FIBP: variants seen among roughly 807,000 people sequenced by gnomAD.
FIBP encodes the protein FGF1 intracellular binding protein, also known as acidic fibroblast growth factor intracellular-binding protein.
FIBP carries 29 observed loss-of-function variants against 40.5 expected under a neutral mutation model. The ratio of observed to expected loss-of-function variants is 0.72; its 90% CI spans 0.53 to 0.98. FIBP has a LOEUF of 0.98. Among genes scored for constraint, FIBP ranks in the 50% least tolerant of loss-of-function variants. FIBP has a pLI of 0.00. For synonymous variants in FIBP, 215 were observed against 191.1 expected, an observed-to-expected ratio of 1.13 and a Z score of -1.03; for missense variants, 411 against 470.2, an observed-to-expected ratio of 0.87 and a Z score of 1.16.
rs1477323874 is a variant in FIBP at position 65,883,779 on chromosome 11, C to G, written c.*195G>C. 1.3e-6 allele frequency: 1 copy of G among 753,080 alleles called. No individual in the cohort carries two copies. The highest frequency in any genetic ancestry group is 2.2e-6 in the Non-Finnish European group (1 of 453,912). 46.6% of individuals were successfully genotyped at this position (753,080 alleles called of 1,614,324 possible). A position where few individuals can be genotyped will look rare whatever the true frequency, so the allele number is the denominator to read the frequency against. On this transcript the variant is annotated 3_prime_UTR_variant, in exon 10 of 10. Transcript: ENST00000357519. The stretch of plus-strand genomic sequence containing the variant: ...ACTCTTCTGGTGGATGGGCTGAGCA[C>G]AGACACCATTCCCTGAGATATGTCT...
At chr11:65,885,443 T>G (rs1291575158) in intron 5 of FIBP, 87 bp downstream of exon 5, 22 of 1,519,288 alleles carry the variant, frequency 1.4e-5, no homozygotes, top group Non-Finnish European at 2.0e-5. Context: ...TGCCAGGAAC[T>G]GAGGGCCTGT....
chr11:65,887,963 C>A lies in FIBP; in HGVS notation c.255G>T (p.Pro85=), dbSNP rs758456440. The A allele has an allele frequency of 4.3e-6, 7 of 1,613,636 alleles. No individual in the cohort carries two copies. The South Asian group carries it at 6.6e-5, about 15-fold the overall frequency. ...KLLHQLIFQI[P]PSRQALLIER... is the part of the protein sequence containing the mutation. Reference sequence around the variant, plus strand: ...CGATGAGTAGTGCCTGCCGGGAGGGCGGAATCTGGAAGATGAGCTGGTGCA... The same window carrying A: ...CGATGAGTAGTGCCTGCCGGGAGGGAGGAATCTGGAAGATGAGCTGGTGCA... Residue 85 remains proline (P), a synonymous_variant, in exon 2 of 10, where the codon CCG becomes CCT. Coordinates refer to ENST00000357519, the MANE Select transcript of FIBP (RefSeq NM_004214.5).
chr11:65,888,213 C>T, intron 1 of FIBP, 81 bp from the exon 2 acceptor site: 1 of 1,475,622 alleles, frequency 6.8e-7, no homozygotes, highest in Non-Finnish European at 9.1e-7. Context: ...ACCCCTATAA[C>T]ACCTCTTATT....
Position 65,888,392 on chromosome 11 carries a change from C to A in FIBP, c.27G>T (p.Val9=), listed in dbSNP as rs1255452744. The A allele has an allele frequency of 2.6e-6, 4 of 1,567,318 alleles. No homozygotes were observed. The highest frequency in any genetic ancestry group is 3.5e-6 in the Non-Finnish European group (4 of 1,155,592). ...CCTCGTCGATAAGGGTCGTGTTCCCCACGAAGATGTCCAGCTCACTGGTCA... is the reference window on the plus strand; with the variant it reads ...CCTCGTCGATAAGGGTCGTGTTCCCAACGAAGATGTCCAGCTCACTGGTCA... MTSELDIF[V]GNTTLIDEDV... is the part of the protein sequence containing the mutation. The change falls in exon 1 of 10, where the codon GTG becomes GTT. Residue 9 remains valine (V), a synonymous_variant. Coordinates refer to ENST00000357519, the MANE Select transcript of FIBP (RefSeq NM_004214.5).
intron 4 of FIBP, 153 bp downstream of exon 4, chr11:65,886,169 T>TAAAAA (rs5792375): frequency 2.1e-5 from 7 of 336,760 alleles, no homozygotes; most frequent in Admixed American, 5.3e-5. Context: ...TCCGTCTCAT[T>TAAAAA]AAAAAAAAAA....
At position 65,883,883 on chromosome 11, in the gene FIBP, G is replaced by A; in HGVS notation, c.*91C>T. Reference sequence around the variant, plus strand: ...CTCAGAGACAGACACAGGCACATCTGCACGCCCCCCACTTGCTCCCCGGAG... The same window carrying A: ...CTCAGAGACAGACACAGGCACATCTACACGCCCCCCACTTGCTCCCCGGAG... On this transcript the variant is annotated 3_prime_UTR_variant, in exon 10 of 10. Coordinates refer to ENST00000357519, the MANE Select transcript of FIBP (RefSeq NM_004214.5). 8.8e-7 allele frequency: 1 copy of A among 1,134,708 alleles called. No homozygotes were observed. The allele number at this position is 1,134,708 out of a possible 1,614,324, so 70.3% of individuals were successfully genotyped here.
chr11:65,887,642 G>C lies in FIBP; in HGVS notation c.369C>G (p.Ile123Met). The change falls in exon 3 of 10, where the codon ATC becomes ATG. Residue 123 changes from isoleucine (I) to methionine (M), a missense_variant. By Grantham distance (10) the Ile-to-Met change is conservative (BLOSUM62 1). Transcript: ENST00000357519. The stretch of plus-strand genomic sequence containing the variant: ...TGAGGGTGATGCCTGTTTTGGTGCT[G>C]ATGTCATCCAGGTCTTTCTTGGTGC... ...SKGTKKDLDD[I>M]STKTGITLKS... 2 of 1,614,166 alleles carry C rather than the reference G, an allele frequency of 1.2e-6. No homozygotes were observed. Among genetic ancestry groups the C allele is most frequent in the Non-Finnish European group, 1.7e-6 (2 of 1,180,028 alleles).
chr11:65,885,485 G>A lies in FIBP; in HGVS notation c.646+45C>T, dbSNP rs559501904. ...AACTACTGGTGGGGAATCAGGTCCT[G>A]AGGATGGGGAGGCGTCCAGGCACCT... On this transcript the variant is annotated intron_variant, in intron 5 of 9. Transcript: ENST00000357519. 3 of 1,596,386 alleles carry A rather than the reference G, an allele frequency of 1.9e-6. No homozygotes were observed. The African/African-American group carries it at 4.0e-5, about 21-fold the overall frequency.
In FIBP at chr11:65,883,867, A is replaced by G; in HGVS notation, c.*107T>C. 1.0e-6 allele frequency: 1 copy of G among 977,464 alleles called. No homozygotes were observed. The highest frequency in any genetic ancestry group is 1.6e-6 in the Non-Finnish European group (1 of 640,854). The allele number at this position is 977,464 out of a possible 1,614,324, so 60.5% of individuals were successfully genotyped here. On this transcript the variant is annotated 3_prime_UTR_variant, in exon 10 of 10. Coordinates refer to ENST00000357519, the MANE Select transcript of FIBP (RefSeq NM_004214.5). Reference sequence around the variant, plus strand: ...ACACGGACACCAGGTGCTCAGAGACAGACACAGGCACATCTGCACGCCCCC... The same window carrying G: ...ACACGGACACCAGGTGCTCAGAGACGGACACAGGCACATCTGCACGCCCCC...
At chr11:65,888,163 C>T (rs1485967060) in intron 1 of FIBP, 31 bp from the exon 2 acceptor site, 4 of 1,535,266 alleles carry the variant, frequency 2.6e-6, no homozygotes, top group Non-Finnish European at 3.5e-6. Context: ...TCAGGCCCCG[C>T]CCCGCCGACG....
chr11:65,885,564 C>A lies in FIBP; in HGVS notation c.612G>T (p.Glu204Asp). The change falls in exon 5 of 10, where the codon GAG becomes GAT. Residue 204 changes from glutamate to aspartate, a missense_variant. Glu to Asp is a conservative substitution (Grantham distance 45). Transcript: ENST00000357519. ...LSFGDFAFCAELMIQNWTLGA... is the reference protein window; with the variant it reads ...LSFGDFAFCADLMIQNWTLGA... ...CAAGGGTCCAGTTTTGGATCATGAG[C>A]TCAGCGCAGAAGGCAAAGTCACCGA... 6.2e-7 allele frequency: 1 copy of A among 1,614,188 alleles called. No individual in the cohort carries two copies. Among genetic ancestry groups the A allele is most frequent in the Non-Finnish European group, 8.5e-7 (1 of 1,180,022 alleles).
Position 65,887,628 on chromosome 11 carries a change from C to G in FIBP, c.383G>C (p.Gly128Ala). 2 of 1,614,068 alleles carry G rather than the reference C, an allele frequency of 1.2e-6. No homozygotes were observed. The highest frequency in any genetic ancestry group is 2.2e-5 in the East Asian group (1 of 44,882). The change falls in exon 3 of 10, where the codon GGC (glycine) becomes GCC (alanine). Residue 128 changes from glycine (G) to alanine (A), a missense_variant. By Grantham distance (60) the Gly-to-Ala change is moderately conservative. Transcript: ENST00000357519. The part of the protein sequence containing the change: ...KDLDDISTKT[G>A]ITLKSCRRQF... ...TCTCCGGCAGCTCTTGAGGGTGATG[C>G]CTGTTTTGGTGCTGATGTCATCCAG...
In FIBP at chr11:65,888,412, T is replaced by C. The variant is rs1191210938; in HGVS notation, c.7A>G (p.Ser3Gly). Reference protein sequence around the residue: MTSELDIFVGNTT... With the variant: MTGELDIFVGNTT... ...TTCCCCACGAAGATGTCCAGCTCAC[T>C]GGTCATGGCGACGCCCGGGGCCGCA... The change falls in exon 1 of 10, where the codon AGT becomes GGT. Residue 3 changes from serine to glycine, a missense_variant. Physicochemically the swap from Ser to Gly is moderately conservative, Grantham distance 56. Coordinates refer to ENST00000357519, the MANE Select transcript of FIBP (RefSeq NM_004214.5). 3 of 1,565,444 alleles carry C rather than the reference T, an allele frequency of 1.9e-6. No individual in the cohort carries two copies. Among genetic ancestry groups the C allele is most frequent in the Admixed American group, 1.9e-5 (1 of 53,356 alleles).
At chr11:65,887,199 C>T in intron 3 of FIBP, 1 of 350,448 alleles carries the variant, frequency 2.9e-6, no homozygotes, top group East Asian at 7.6e-5. Flanking sequence ...GTAATGTCAG[C>T]ACTTTGGGAG....
In FIBP at chr11:65,888,148, T is replaced by C. The variant is rs1286671774; in HGVS notation, c.86-16A>G. The C allele has an allele frequency of 1.2e-5, 18 of 1,546,660 alleles. No homozygotes were observed. The highest frequency in any genetic ancestry group is 1.7e-4 in the Middle Eastern group (1 of 5,736). ...GCGTCGGTCACTGGAAAGCGGACGC[T>C]AGCATCAGGCCCCGCCCCGCCGACG... On this transcript the variant is annotated splice_polypyrimidine_tract_variant and intron_variant, in intron 1 of 9. Transcript: ENST00000357519.
Position 65,886,445 on chromosome 11 carries a change from G to A in FIBP, c.412-23C>T, listed in dbSNP as rs367765953. ...AAACTGCAGGGCAGTTAGGGTAGAA[G>A]AGAGGACTGGTCAGAGTGTACACTG... On this transcript the variant is annotated intron_variant, in intron 3 of 9. Coordinates refer to ENST00000357519, the MANE Select transcript of FIBP (RefSeq NM_004214.5). 9.3e-6 allele frequency: 14 copies of A among 1,504,078 alleles called. No individual in the cohort carries two copies. In the African/African-American group the frequency reaches 1.4e-4, roughly 15 times the overall value. 93.2% of individuals were successfully genotyped at this position (1,504,078 alleles called of 1,614,324 possible).
Position 65,886,367 on chromosome 11 carries a change from A to C in FIBP, c.467T>G (p.Val156Gly), listed in dbSNP as rs1484470982. 2 of 1,613,842 alleles carry C rather than the reference A, an allele frequency of 1.2e-6. No individual in the cohort carries two copies. Among genetic ancestry groups the C allele is most frequent in the Non-Finnish European group, 1.7e-6 (2 of 1,179,964 alleles). ...KVVEEMRGSL[V>G]DNIQQHFLLS... The stretch of plus-strand genomic sequence containing the variant: ...GAGGAAGTGTTGCTGAATATTGTCC[A>C]CCAGGGAGCCCCGCATTTCCTCTAC... Residue 156 changes from valine (V) to glycine (G), a missense_variant, in exon 4 of 10, where the codon GTG becomes GGG. Transcript: ENST00000357519.
intron 2 of FIBP, 29 bp downstream of exon 2, chr11:65,887,905 A>G: frequency 6.2e-7 from 1 of 1,608,164 alleles, no homozygotes; most frequent in South Asian, 1.1e-5. Context: ...AGACTGGTTG[A>G]TGTCTCCACC....
chr11:65,888,031 A>T lies in FIBP; in HGVS notation c.187T>A (p.Phe63Ile). The T allele has an allele frequency of 6.2e-7, 1 of 1,612,660 alleles. No homozygotes were observed. Among genetic ancestry groups the T allele is most frequent in the Non-Finnish European group, 8.5e-7 (1 of 1,179,644 alleles). Residue 63 changes from phenylalanine to isoleucine, a missense_variant, in exon 2 of 10, where the codon TTC becomes ATC. By Grantham distance (21) the Phe-to-Ile change is conservative. Coordinates refer to ENST00000357519, the MANE Select transcript of FIBP (RefSeq NM_004214.5). The part of the protein sequence containing the change: ...QSDTMDHYRT[F>I]HMLERLLHAP... ...TGCAGCAGCCGCTCGAGCATGTGGA[A>T]GGTGCGGTAATGGTCCATGGTGTCG...
Sources: gnomAD v4.1 joint callset for allele counts on GRCh38, gnomAD v4.1.1 for gene constraint, MANE v1.5 for transcripts, NCBI Gene and HGNC (gene_info 2026-07-23, HGNC 2026-07-21) for gene names.